Variants in EBF1 observed in about 807,000 individuals in gnomAD.
The protein encoded by EBF1 is transcription factor COE1.
In EBF1, 10 loss-of-function variants were observed where a neutral mutation model predicts 68.4. That is an observed-to-expected ratio of 0.15 (90% CI 0.09 to 0.25). The LOEUF is 0.25. EBF1 is among the 10% of genes least tolerant of loss of function. The pLI, the probability that EBF1 is intolerant of heterozygous loss-of-function variation, is 1.00. For missense variants in EBF1, 509 were observed against 794.4 expected, an observed-to-expected ratio of 0.64 and a Z score of 4.32; for synonymous variants, 298 against 299.8, an observed-to-expected ratio of 0.99 and a Z score of 0.06.
chr5:158,906,385 C>T (rs1219316497), intron 6 of EBF1, among the ~76,000 whole-genome samples: 2 of 149,874 alleles, frequency 1.3e-5, no homozygotes, highest in Non-Finnish European at 3.0e-5. Flanking sequence ...ACAAAAAAAG[C>T]ATCCTTTTTC....
intron 6 of EBF1, among the ~76,000 whole-genome samples, chr5:158,881,276 TAC>T (rs1251706276): frequency 6.6e-6 from 1 of 152,240 alleles, no homozygotes; most frequent in Non-Finnish European, 1.5e-5. Context: ...ATTATGCTGA[TAC>T]AGTCAGACAG....
chr5:158,926,860 G>A (rs1226731639), intron 6 of EBF1, among the ~76,000 whole-genome samples: 1 of 152,072 alleles, frequency 6.6e-6, no homozygotes, highest in Non-Finnish European at 1.5e-5. Flanking sequence ...TGTCTATACA[G>A]ACTTTAGTAA....
chr5:158,845,699 C>T (rs201797183), intron 6 of EBF1, among the ~76,000 whole-genome samples: 2 of 23,294 alleles, frequency 8.6e-5, no homozygotes, highest in African/African-American at 3.2e-4. Context: ...GAATGACCTA[C>T]AAAAAGAAAA....
intron 14 of EBF1, among the ~76,000 whole-genome samples, chr5:158,710,500 G>A (rs1003906344): frequency 6.6e-6 from 1 of 152,178 alleles, no homozygotes; most frequent in Non-Finnish European, 1.5e-5. Flanking sequence ...ACAATCTTTT[G>A]ATAAATCAAA....
chr5:158,799,464 G>A (rs1249232958), intron 8 of EBF1, among the ~76,000 whole-genome samples: 1 of 151,944 alleles, frequency 6.6e-6, no homozygotes, highest in Non-Finnish European at 1.5e-5. Flanking sequence ...AGAATGCTAA[G>A]TATCCAACAA....
chr5:159,053,993 C>T lies in EBF1; in HGVS notation c.554+19403G>A, dbSNP rs539274689. Among the ~76,000 whole-genome samples, 39 of 152,344 alleles carry T rather than the reference C, an allele frequency of 2.6e-4. No homozygotes were observed. The East Asian group carries it at 7.5e-3, about 29-fold the overall frequency. On this transcript the variant is annotated intron_variant, in intron 6 of 15. Coordinates refer to ENST00000313708, the MANE Select transcript of EBF1 (RefSeq NM_024007.5). ...TTTGGAAGGGGTTGCTGGCCCAAAGCACCATGAGGCCAGTGACCCCTTGCT... is the reference window on the plus strand; with the variant it reads ...TTTGGAAGGGGTTGCTGGCCCAAAGTACCATGAGGCCAGTGACCCCTTGCT...
chr5:158,924,369 G>T (rs908213822), intron 6 of EBF1, among the ~76,000 whole-genome samples: 3 of 152,130 alleles, frequency 2.0e-5, no homozygotes, highest in Non-Finnish European at 4.4e-5. Context: ...AAGCCACATC[G>T]TAAGGTCCTG....
chr5:158,900,777 C>T (rs989646916), intron 6 of EBF1, among the ~76,000 whole-genome samples: 4 of 152,176 alleles, frequency 2.6e-5, no homozygotes, highest in African/African-American at 9.7e-5. Context: ...TAATCCTTAC[C>T]GCATTCCAAA....
intron 6 of EBF1, among the ~76,000 whole-genome samples, chr5:158,847,673 C>T (rs565656838): frequency 2.7e-4 from 41 of 152,238 alleles, no homozygotes; most frequent in African/African-American, 8.4e-4. Context: ...TGGCCCTGGG[C>T]GAATATTTGA....
chr5:158,935,527 A>T (rs1811823562), intron 6 of EBF1, among the ~76,000 whole-genome samples: 1 of 152,216 alleles, frequency 6.6e-6, no homozygotes, highest in South Asian at 2.1e-4. Flanking sequence ...GTGCACACAC[A>T]GATACATACA....
chr5:158,787,260 G>C (rs967120565), intron 9 of EBF1, among the ~76,000 whole-genome samples: 2 of 152,152 alleles, frequency 1.3e-5, no homozygotes, highest in Non-Finnish European at 2.9e-5. Flanking sequence ...TTAATGAGCT[G>C]CACAGTAATA....
chr5:159,077,082 A>C (rs941377681), intron 5 of EBF1, among the ~76,000 whole-genome samples: 2 of 152,196 alleles, frequency 1.3e-5, no homozygotes, highest in Admixed American at 6.5e-5. Flanking sequence ...GACAGTTTTT[A>C]CAAGTATGGT....
At chr5:158,938,730 T>C (rs967691395) in intron 6 of EBF1, among the ~76,000 whole-genome samples, 1 of 152,206 alleles carries the variant, frequency 6.6e-6, no homozygotes, top group African/African-American at 2.4e-5. Flanking sequence ...AATGCCATCA[T>C]GGCAGGGGAG....
intron 6 of EBF1, among the ~76,000 whole-genome samples, chr5:159,038,710 C>T (rs143862879): frequency 2.6e-5 from 4 of 152,242 alleles, no homozygotes; most frequent in Middle Eastern, 3.4e-3. Flanking sequence ...GGCTGCCTGA[C>T]CTATTAGCAA....
At chr5:158,729,853 C>T (rs1763720680) in intron 11 of EBF1, among the ~76,000 whole-genome samples, 3 of 152,168 alleles carry the variant, frequency 2.0e-5, no homozygotes, top group South Asian at 4.1e-4. Context: ...CCTTCCTCTC[C>T]GGAGCAGTTA....
At chr5:158,719,047 CACTT>C (rs1344778238) in intron 11 of EBF1, among the ~76,000 whole-genome samples, 10 of 152,250 alleles carry the variant, frequency 6.6e-5, no homozygotes, top group East Asian at 5.8e-4. Flanking sequence ...TAAAAGTACA[CACTT>C]AATTTGTATG....
chr5:158,997,175 G>A (rs1396378641), intron 6 of EBF1, among the ~76,000 whole-genome samples: 1 of 152,068 alleles, frequency 6.6e-6, no homozygotes, highest in Non-Finnish European at 1.5e-5. Context: ...AGGGCCTTTG[G>A]AGCAGTGAAT....
intron 9 of EBF1, among the ~76,000 whole-genome samples, chr5:158,795,555 G>A (rs1299741679): frequency 6.6e-6 from 1 of 152,194 alleles, no homozygotes; most frequent in Non-Finnish European, 1.5e-5. Flanking sequence ...CTAAACTTTA[G>A]TGAAGTGAAA....
At chr5:158,796,319 G>C in intron 9 of EBF1, 26 bp downstream of exon 9, 1 of 1,595,552 alleles carries the variant, frequency 6.3e-7, no homozygotes, top group Non-Finnish European at 8.5e-7. Context: ...CAAGCTATTA[G>C]ATATTAATGT....
Sources: allele counts gnomAD v4.1 joint callset (sites outside exome capture counted in the v4.1 genomes callset), GRCh38; gene constraint gnomAD v4.1.1; transcripts MANE v1.5; gene names NCBI Gene and HGNC (gene_info 2026-07-23, HGNC 2026-07-21).